Variants in TRPM3 observed in about 807,000 individuals in gnomAD.
TRPM3 encodes the protein long transient receptor potential channel 3.
TRPM3 carries 77 observed loss-of-function variants against 181.2 expected under a neutral mutation model. The ratio of observed to expected loss-of-function variants is 0.42; its 90% CI spans 0.35 to 0.51. The LOEUF (loss-of-function observed/expected upper bound fraction) is 0.51, where lower values mean the gene tolerates loss of function less well. Among genes scored for constraint, TRPM3 ranks in the 20% least tolerant of loss-of-function variants. The pLI, the probability that TRPM3 is intolerant of heterozygous loss-of-function variation, is 0.01. For missense variants in TRPM3, 1,759 were observed against 2,196.7 expected (o/e 0.80, Z 3.98); for synonymous variants, 745 against 796.4 (o/e 0.94, Z 1.09).
intron 1 of TRPM3, among the ~76,000 whole-genome samples, chr9:71,019,766 C>G (rs1268235238): frequency 3.3e-5 from 5 of 151,952 alleles, no homozygotes; most frequent in Admixed American, 3.3e-4. Flanking sequence ...CACAAATAGC[C>G]AAAACAATGA....
At chr9:71,378,009 T>A (rs2092706577) in intron 1 of TRPM3, among the ~76,000 whole-genome samples, 1 of 152,074 alleles carries the variant, frequency 6.6e-6, no homozygotes. Context: ...CCAATGACAC[T>A]ATTTAAAGAG....
rs140645934 is a variant in TRPM3 at position 70,792,138 on chromosome 9, C to A, written c.974-7859G>T. ...CCCATCCACTGCATAGAAGGCGCAG[C>A]CCTGCTTGACTTTTTTCAAAGCTGG... On this transcript the variant is annotated intron_variant, in intron 6 of 25. Coordinates refer to ENST00000677713, the MANE Select transcript of TRPM3 (RefSeq NM_001366145.2). 6.3e-3 allele frequency among the ~76,000 whole-genome samples: 961 copies of A among 152,242 alleles called. 7 individuals carry two copies. The highest frequency in any genetic ancestry group is 0.02 in the African/African-American group (843 of 41,528).
chr9:71,270,971 T>C (rs993962382), intron 1 of TRPM3, among the ~76,000 whole-genome samples: 3 of 152,154 alleles, frequency 2.0e-5, no homozygotes, highest in Admixed American at 2.0e-4. Flanking sequence ...TCCAGCCCAG[T>C]TGAGCCATCA....
intron 15 of TRPM3, among the ~76,000 whole-genome samples, chr9:70,621,008 TTA>T (rs1034738505): frequency 6.8e-6 from 1 of 146,802 alleles, no homozygotes; most frequent in African/African-American, 2.5e-5. Context: ...TTATGACACA[TTA>T]TATATATATA....
At chr9:70,820,559 G>A (rs756151441) in intron 6 of TRPM3, among the ~76,000 whole-genome samples, 13 of 152,092 alleles carry the variant, frequency 8.5e-5, no homozygotes, top group African/African-American at 2.9e-4. Flanking sequence ...AACACCTTGG[G>A]CTCTGATGGG....
intron 1 of TRPM3, among the ~76,000 whole-genome samples, chr9:71,200,763 G>C (rs900267910): frequency 2.6e-5 from 4 of 152,100 alleles, no homozygotes; most frequent in Admixed American, 6.6e-5. Flanking sequence ...GAGTCTATGT[G>C]TGTCTCTGCA....
exon 1 of TRPM3, chr9:71,446,707 T>A: frequency 6.4e-7 from 1 of 1,550,518 alleles, no homozygotes; most frequent in Non-Finnish European, 8.7e-7. Context: ...GCTTGGAACT[T>A]AACCTTTTCC....
At chr9:71,150,266 T>C (rs762561315) in intron 1 of TRPM3, among the ~76,000 whole-genome samples, 11 of 151,650 alleles carry the variant, frequency 7.3e-5, no homozygotes, top group Non-Finnish European at 1.5e-4. Flanking sequence ...AAAATGAAAA[T>C]ACATAAAAGA....
At chr9:71,389,809 A>G (rs2093018130) in intron 1 of TRPM3, among the ~76,000 whole-genome samples, 1 of 152,102 alleles carries the variant, frequency 6.6e-6, no homozygotes, top group African/African-American at 2.4e-5. Context: ...TAAAAATGAT[A>G]CAAAGGATTC....
chr9:71,272,625 C>T (rs930990402), intron 1 of TRPM3, among the ~76,000 whole-genome samples: 1 of 152,086 alleles, frequency 6.6e-6, no homozygotes, highest in Non-Finnish European at 1.5e-5. Flanking sequence ...CATACCTGTA[C>T]ATAGTTTATT....
chr9:70,862,889 T>G lies in TRPM3; in HGVS notation c.462+19A>C. On this transcript the variant is annotated intron_variant, in intron 3 of 25. Coordinates refer to ENST00000677713, the MANE Select transcript of TRPM3 (RefSeq NM_001366145.2). ...ACTTGAGATAGCATTTGGGAGCAAC[T>G]GAATGGCTTTCTGATTACCATGGCT... is the stretch of plus-strand genomic sequence containing the variant. 1 of 1,612,398 alleles carries G rather than the reference T, an allele frequency of 6.2e-7. No homozygotes were observed. The highest frequency in any genetic ancestry group is 8.5e-7 in the Non-Finnish European group (1 of 1,178,954).
chr9:71,191,088 A>G (rs1587862373), intron 1 of TRPM3, among the ~76,000 whole-genome samples: 1 of 151,842 alleles, frequency 6.6e-6, no homozygotes, highest in East Asian at 1.9e-4. Flanking sequence ...AGATTTAGAA[A>G]TAAGGAAAGT....
chr9:71,001,332 C>A (rs187238556), intron 1 of TRPM3, among the ~76,000 whole-genome samples: 20 of 152,256 alleles, frequency 1.3e-4, no homozygotes, highest in South Asian at 4.1e-4. Flanking sequence ...GGATAACTAA[C>A]AAATATAAAG....
intron 1 of TRPM3, among the ~76,000 whole-genome samples, chr9:71,280,289 T>C (rs1486676625): frequency 6.6e-6 from 1 of 152,170 alleles, no homozygotes; most frequent in Admixed American, 6.5e-5. Flanking sequence ...CCTATTTTTG[T>C]AGGCAAATTT....
At chr9:71,435,694 G>A (rs1384613681) in intron 1 of TRPM3, among the ~76,000 whole-genome samples, 1 of 152,180 alleles carries the variant, frequency 6.6e-6, no homozygotes, top group Non-Finnish European at 1.5e-5. Flanking sequence ...GCCTATGGAA[G>A]GCAGAATAAT....
intron 1 of TRPM3, among the ~76,000 whole-genome samples, chr9:71,394,826 A>G (rs1237959232): frequency 1.3e-5 from 2 of 152,214 alleles, no homozygotes; most frequent in African/African-American, 4.8e-5. Context: ...TACAGTGTCA[A>G]TATACAAACC....
chr9:71,370,219 G>T (rs961746509), intron 1 of TRPM3, among the ~76,000 whole-genome samples: 1 of 151,976 alleles, frequency 6.6e-6, no homozygotes, highest in Non-Finnish European at 1.5e-5. Context: ...CCCAACAAAG[G>T]CCTGTAGGTG....
intron 1 of TRPM3, among the ~76,000 whole-genome samples, chr9:71,126,650 C>A (rs2074048243): frequency 6.6e-6 from 1 of 152,126 alleles, no homozygotes; most frequent in South Asian, 2.1e-4. Flanking sequence ...CTAAAATACA[C>A]TAAAATTTAT....
chr9:71,230,045 T>C (rs111303873), intron 1 of TRPM3, among the ~76,000 whole-genome samples: 3 of 152,266 alleles, frequency 2.0e-5, no homozygotes, highest in African/African-American at 7.2e-5. Context: ...AACAGGTGAA[T>C]GCATAAAGAA....
Sources: allele counts gnomAD v4.1 joint callset (sites outside exome capture counted in the v4.1 genomes callset), GRCh38; gene constraint gnomAD v4.1.1; transcripts MANE v1.5; gene names NCBI Gene and HGNC (gene_info 2026-07-23, HGNC 2026-07-21).